The following GUCY1A2 variants were observed in gnomAD, a reference collection of about 807,000 sequenced individuals.
The protein encoded by GUCY1A2 is guanylate cyclase 1 soluble subunit alpha 2, also known as guanylate cyclase soluble subunit alpha-2.
A neutral mutation model predicts 63.5 loss-of-function variants in GUCY1A2; 27 were observed. That is an observed-to-expected ratio of 0.43 (90% CI 0.31 to 0.59). The LOEUF (loss-of-function observed/expected upper bound fraction) is 0.59. GUCY1A2 is among the 20% of genes least tolerant of loss of function. The pLI is 0.11. For missense variants in GUCY1A2, 768 were observed against 913.3 expected, an observed-to-expected ratio of 0.84 and a Z score of 2.05; for synonymous variants, 364 against 343.5, an observed-to-expected ratio of 1.06 and a Z score of -0.66.
At chr11:106,710,181 A>ATATATTATATACATGTATATAATATAGT (rs1863083956) in intron 6 of GUCY1A2, among the ~76,000 whole-genome samples, 1 of 88,840 alleles carries the variant, frequency 1.1e-5, no homozygotes, top group African/African-American at 4.8e-5. Context: ...TAATATAGTT[A>ATATATTATATACATGTATATAATATAGT]TATATATAAT....
In GUCY1A2 at chr11:106,674,750, T is replaced by C. The variant is rs914686789; in HGVS notation, c.*12799A>G. On this transcript the variant is annotated 3_prime_UTR_variant, in exon 8 of 8. Transcript: ENST00000526355. ...AGCAGATATACAATATGATTTACAT[T>C]GCAAACCAAACCAAAAATTTAGACC... 1.5e-5 allele frequency: 3 copies of C among 206,110 alleles called. No individual in the cohort carries two copies. Among genetic ancestry groups the C allele is most frequent in the Non-Finnish European group, 3.0e-5 (3 of 100,928 alleles). The allele number at this position is 206,110 out of a possible 1,614,324, so 12.8% of individuals were successfully genotyped here.
chr11:106,907,111 C>A (rs1324170330), intron 4 of GUCY1A2, among the ~76,000 whole-genome samples: 1 of 152,040 alleles, frequency 6.6e-6, no homozygotes, highest in African/African-American at 2.4e-5. Context: ...CTAGTAACAG[C>A]AGCTCCACTG....
At chr11:106,815,248 G>A (rs912182391) in intron 4 of GUCY1A2, among the ~76,000 whole-genome samples, 20 of 151,838 alleles carry the variant, frequency 1.3e-4, no homozygotes, top group Admixed American at 2.6e-4. Flanking sequence ...GAACAACAGA[G>A]AAAATAGGCT....
chr11:106,752,349 A>C (rs1375499781), intron 6 of GUCY1A2, among the ~76,000 whole-genome samples: 1 of 152,162 alleles, frequency 6.6e-6, no homozygotes, highest in Non-Finnish European at 1.5e-5. Flanking sequence ...TTATGGTTCA[A>C]AAAGGTTTAT....
At chr11:106,689,243 A>T (rs763550752) in intron 7 of GUCY1A2, among the ~76,000 whole-genome samples, 52 of 152,174 alleles carry the variant, frequency 3.4e-4, no homozygotes, top group Non-Finnish European at 6.5e-4. Flanking sequence ...GGTAGTACTA[A>T]TAAGTTATAA....
chr11:107,007,835 T>C (rs1169643857), intron 1 of GUCY1A2, among the ~76,000 whole-genome samples: 5 of 152,168 alleles, frequency 3.3e-5, no homozygotes, highest in Non-Finnish European at 5.9e-5. Flanking sequence ...ATTTCTTACA[T>C]ACTAAAATAA....
chr11:106,816,279 A>G (rs1463471257), intron 4 of GUCY1A2, among the ~76,000 whole-genome samples: 3 of 151,824 alleles, frequency 2.0e-5, no homozygotes, highest in Admixed American at 6.6e-5. Context: ...TGTACAGAGT[A>G]TGTTAACTAG....
chr11:106,884,936 G>A (rs573668509), intron 4 of GUCY1A2, among the ~76,000 whole-genome samples: 9 of 152,078 alleles, frequency 5.9e-5, no homozygotes, highest in South Asian at 2.1e-4. Flanking sequence ...CTCAATTCCC[G>A]GCCTAGTCAG....
At chr11:106,879,388 G>T (rs11828772) in intron 4 of GUCY1A2, among the ~76,000 whole-genome samples, 3,156 of 152,132 alleles carry the variant, frequency 0.021, 99 homozygotes, top group African/African-American at 0.07. Context: ...GGAAAATCCA[G>T]AACAGGGTAA....
At chr11:106,963,645 A>C (rs1861088169) in intron 3 of GUCY1A2, among the ~76,000 whole-genome samples, 1 of 152,200 alleles carries the variant, frequency 6.6e-6, no homozygotes, top group African/African-American at 2.4e-5. Flanking sequence ...AAACTTAAGG[A>C]AAATAAACTC....
chr11:106,725,664 CT>C (rs1863395511), intron 6 of GUCY1A2, among the ~76,000 whole-genome samples: 1 of 152,004 alleles, frequency 6.6e-6, no homozygotes, highest in African/African-American at 2.4e-5. Flanking sequence ...TATGTAATTA[CT>C]TTTTATCACA....
chr11:106,999,183 T>G (rs1861581146), intron 1 of GUCY1A2, among the ~76,000 whole-genome samples: 1 of 152,228 alleles, frequency 6.6e-6, no homozygotes, highest in African/African-American at 2.4e-5. Flanking sequence ...GTATTTAAAA[T>G]GTACATAGTA....
chr11:106,795,075 T>G (rs970516779), intron 5 of GUCY1A2, among the ~76,000 whole-genome samples: 1 of 152,182 alleles, frequency 6.6e-6, no homozygotes, highest in Non-Finnish European at 1.5e-5. Context: ...TTGTGTCAAC[T>G]GCAACAAATA....
At position 106,687,664 on chromosome 11, in the gene GUCY1A2, T is replaced by G; in HGVS notation, c.2084A>C (p.Tyr695Ser). Residue 695 changes from tyrosine (Y) to serine (S), a missense_variant, in exon 8 of 8, where the codon TAT becomes TCT. Tyr to Ser is a moderately radical substitution (Grantham distance 144). This residue lies in a region of GUCY1A2 where 150 missense variants were observed against 188.3 expected (regional missense o/e 0.80). Transcript: ENST00000526355. ...NFPKEIPGIC[Y>S]FLEVRTGPKP... ...TGGACCAGTCCTTACCTCCAGGAAA[T>G]AGCAGATCCCAGGAATTTCCTTTGG... is the stretch of plus-strand genomic sequence containing the variant. The G allele has an allele frequency of 6.2e-7, 1 of 1,613,330 alleles. No individual in the cohort carries two copies. Among genetic ancestry groups the G allele is most frequent in the Non-Finnish European group, 8.5e-7 (1 of 1,179,284 alleles).
Position 107,017,085 on chromosome 11 carries a change from A to C in GUCY1A2, c.303+668T>G, listed in dbSNP as rs145959007. ...TCCAGACACCAGGTTTACCCAGAGAAGAATAAATGCCTAGTGGATAAGAAA... is the reference window on the plus strand; with the variant it reads ...TCCAGACACCAGGTTTACCCAGAGACGAATAAATGCCTAGTGGATAAGAAA... On this transcript the variant is annotated intron_variant, in intron 1 of 7. Coordinates refer to ENST00000526355, the MANE Select transcript of GUCY1A2 (RefSeq NM_000855.3). 1.8e-3 allele frequency among the ~76,000 whole-genome samples: 276 copies of C among 152,338 alleles called. 1 individual carries two copies. Among genetic ancestry groups the C allele is most frequent in the African/African-American group, 6.4e-3 (266 of 41,564 alleles).
At chr11:106,930,144 G>C (rs1394583401) in intron 4 of GUCY1A2, among the ~76,000 whole-genome samples, 1 of 152,190 alleles carries the variant, frequency 6.6e-6, no homozygotes. Context: ...ACTGAAACAA[G>C]TAGTAAACAT....
At chr11:106,727,267 G>T (rs937416010) in intron 6 of GUCY1A2, among the ~76,000 whole-genome samples, 9 of 152,316 alleles carry the variant, frequency 5.9e-5, no homozygotes, top group African/African-American at 2.2e-4. Context: ...ACGTTGTGGT[G>T]AGCCAAGTCA....
rs1002320923 is a variant in GUCY1A2 at position 106,816,966 on chromosome 11, G to GA, written c.1207-6489dup. Among the ~76,000 whole-genome samples the GA allele has an allele frequency of 1.7e-4, 25 of 150,112 alleles. 1 individual carries two copies. The highest frequency in any genetic ancestry group is 6.3e-4 in the South Asian group (3 of 4,758). On this transcript the variant is annotated intron_variant, in intron 4 of 7. Coordinates refer to ENST00000526355, the MANE Select transcript of GUCY1A2 (RefSeq NM_000855.3). ...TGAAATGTATAATTTAAAGTTTTTTGAAAAAAAAATCTTCAGGCCAAATAG... is the reference window on the plus strand; with the variant it reads ...TGAAATGTATAATTTAAAGTTTTTTGAAAAAAAAAATCTTCAGGCCAAATAG...
chr11:106,816,764 G>C (rs954521516), intron 4 of GUCY1A2, among the ~76,000 whole-genome samples: 6 of 151,232 alleles, frequency 4.0e-5, no homozygotes, highest in Admixed American at 6.6e-5. Context: ...AACAAGATAG[G>C]GGTTATCACT....
Sources: allele counts gnomAD v4.1 joint callset (sites outside exome capture counted in the v4.1 genomes callset), GRCh38; gene constraint gnomAD v4.1.1; regional missense constraint gnomAD v4.1.1; transcripts MANE v1.5; gene names NCBI Gene and HGNC (gene_info 2026-07-23, HGNC 2026-07-21).